The following MAMLD1 variants were observed in gnomAD, a reference collection of about 807,000 sequenced individuals.
MAMLD1 encodes mastermind like domain containing 1, also known as mastermind-like domain-containing protein 1.
MAMLD1 carries 14 observed loss-of-function variants against 45.0 expected under a neutral mutation model. The ratio of observed to expected loss-of-function variants is 0.31; its 90% CI spans 0.21 to 0.49. MAMLD1 has a LOEUF of 0.49. MAMLD1 is among the 20% of genes least tolerant of loss of function. The probability of loss-of-function intolerance (pLI) is 0.99; values close to 1 mark genes in which losing one functional copy is unlikely to be tolerated. For missense variants in MAMLD1, 543 were observed against 603.6 expected, an observed-to-expected ratio of 0.90 and a Z score of 1.05; for synonymous variants, 254 against 247.8, an observed-to-expected ratio of 1.02 and a Z score of -0.24.
chrX:150,384,488 G>A (rs928167362), intron 1 of MAMLD1, among the ~76,000 whole-genome samples: 1 of 111,730 alleles, frequency 9.0e-6, no homozygotes, highest in African/African-American at 3.3e-5. Context: ...TGAACTGTAA[G>A]CATTGTTTAT....
At chrX:150,440,079 T>C (rs781787945) in intron 1 of MAMLD1, among the ~76,000 whole-genome samples, 2 of 112,004 alleles carry the variant, frequency 1.8e-5, no homozygotes, top group South Asian at 7.4e-4. Context: ...GACGTGAGTC[T>C]TCTTGTTTTT....
At chrX:150,472,045 T>C (rs2036447306) in intron 4 of MAMLD1, among the ~76,000 whole-genome samples, 1 of 112,042 alleles carries the variant, frequency 8.9e-6, no homozygotes, top group African/African-American at 3.2e-5. Flanking sequence ...ATTTTACAAA[T>C]GAAGAAACTG....
rs2037971623 is a variant in MAMLD1, at chrX:150,513,984, C to T, written c.*2025C>T. 1.0e-5 allele frequency: 3 copies of T among 292,312 alleles called. No individual in the cohort carries two copies. The highest frequency in any genetic ancestry group is 6.2e-5 in the Admixed American group (1 of 16,146). 24.1% of individuals were successfully genotyped at this position (292,312 alleles called of 1,213,427 possible). ...TTTGATGGTTTCTATCTGCAATTAT[C>T]GTCATGTATATTTAAGTGTCTGTTA... On this transcript the variant is annotated 3_prime_UTR_variant, in exon 8 of 8. Coordinates refer to ENST00000370401, the MANE Select transcript of MAMLD1 (RefSeq NM_005491.5).
intron 1 of MAMLD1, among the ~76,000 whole-genome samples, chrX:150,422,241 A>C (rs150042509): frequency 0.029 from 3,270 of 112,293 alleles, 56 homozygotes; most frequent in Non-Finnish European, 0.045. Context: ...TGTGGACCCA[A>C]GGAAATATTA....
chrX:150,444,632 G>A (rs1236760478), intron 1 of MAMLD1, among the ~76,000 whole-genome samples: 1 of 112,059 alleles, frequency 8.9e-6, no homozygotes. Flanking sequence ...CAGAGGCAGA[G>A]GTTTAGACTT....
Position 150,469,655 on chromosome X carries a change from CTG to C in MAMLD1, c.172-60_172-59del, listed in dbSNP as rs1557406186. 1.2e-3 allele frequency: 505 copies of C among 404,345 alleles called. 2 individuals are homozygous for C. Among genetic ancestry groups the C allele is most frequent in the African/African-American group, 0.012 (375 of 30,997 alleles). The allele number at this position is 404,345 out of a possible 1,213,427, so 33.3% of individuals were successfully genotyped here. On this transcript the variant is annotated intron_variant, in intron 3 of 7. Transcript: ENST00000370401. ...TCTCTGTCTCTCTCTCTCTCTCTCT[CTG>C]TGTGTGTGTGTGTGTGTGTGTGTGT...
intron 1 of MAMLD1, among the ~76,000 whole-genome samples, chrX:150,364,172 G>C (rs1557400607): frequency 8.9e-6 from 1 of 112,935 alleles, no homozygotes; most frequent in Non-Finnish European, 1.9e-5. Context: ...CTGCGTCAGA[G>C]TCCGCGCTTC....
chrX:150,370,917 GT>G (rs1473621659), intron 1 of MAMLD1, among the ~76,000 whole-genome samples: 1 of 112,199 alleles, frequency 8.9e-6, no homozygotes, highest in Non-Finnish European at 1.9e-5. Context: ...CCTAAGGAGG[GT>G]TTGGGAGCAA....
chrX:150,440,691 T>G (rs1248919662), intron 1 of MAMLD1, among the ~76,000 whole-genome samples: 1 of 108,648 alleles, frequency 9.2e-6, no homozygotes, highest in Non-Finnish European at 1.9e-5. Flanking sequence ...TATAGTAACA[T>G]CTCCCTTTTC....
intron 5 of MAMLD1, among the ~76,000 whole-genome samples, chrX:150,498,312 C>G (rs1446614407): frequency 9.0e-6 from 1 of 111,706 alleles, no homozygotes; most frequent in Non-Finnish European, 1.9e-5. Flanking sequence ...GCACTGCATA[C>G]GTGCTAATTC....
Position 150,477,227 on chromosome X carries a change from A to C in MAMLD1, c.2040+3425A>C, listed in dbSNP as rs782641288. 5.3e-5 allele frequency among the ~76,000 whole-genome samples: 6 copies of C among 112,733 alleles called. No individual in the cohort carries two copies. In the South Asian group the frequency reaches 2.2e-3, roughly 41 times the overall value. ...CAGTCTGTAAAATGGAGATTAGCAT[A>C]CCTTTCTCATGGGGCTGCTGTGAGG... On this transcript the variant is annotated intron_variant, in intron 5 of 7. Coordinates refer to ENST00000370401, the MANE Select transcript of MAMLD1 (RefSeq NM_005491.5).
intron 1 of MAMLD1, among the ~76,000 whole-genome samples, chrX:150,411,238 G>A (rs1233842036): frequency 3.6e-5 from 4 of 111,981 alleles, no homozygotes; most frequent in African/African-American, 9.7e-5. Flanking sequence ...GCTAGGTATC[G>A]CCAGGCCTGA....
At chrX:150,508,745 G>T (rs374313919) in intron 6 of MAMLD1, among the ~76,000 whole-genome samples, 1 of 112,503 alleles carries the variant, frequency 8.9e-6, no homozygotes, top group African/African-American at 3.2e-5. Flanking sequence ...CGGGCAGCCC[G>T]TGTTGTAGAG....
chrX:150,473,680 G>A lies in MAMLD1; in HGVS notation c.1918G>A (p.Gly640Ser). The A allele has an allele frequency of 8.3e-7, 1 of 1,211,103 alleles. No homozygotes were observed. Among genetic ancestry groups the A allele is most frequent in the Non-Finnish European group, 1.1e-6 (1 of 894,967 alleles). ...SDSMPALPRQGCCHLFAWTSA... is the reference protein window; with the variant it reads ...SDSMPALPRQSCCHLFAWTSA... ...GCACTTTGGTTTGATTTTATTATAG[G>A]GCTGTTGCCATCTGTTTGCATGGAC... The change falls in exon 5 of 8, where the codon GGC (glycine) becomes AGC (serine). Residue 640 changes from glycine (G) to serine (S), a missense_variant and splice_region_variant. By Grantham distance (56) the Gly-to-Ser change is moderately conservative (BLOSUM62 0). Coordinates refer to ENST00000370401, the MANE Select transcript of MAMLD1 (RefSeq NM_005491.5).
At chrX:150,460,753 C>A (rs1351866434) in intron 2 of MAMLD1, among the ~76,000 whole-genome samples, 2 of 112,016 alleles carry the variant, frequency 1.8e-5, no homozygotes, top group Non-Finnish European at 3.8e-5. Context: ...TAATAATGAC[C>A]CAGAAGCTGA....
intron 2 of MAMLD1, among the ~76,000 whole-genome samples, chrX:150,449,599 C>T (rs782211430): frequency 3.2e-4 from 36 of 111,418 alleles, no homozygotes; most frequent in African/African-American, 1.0e-3. Flanking sequence ...TCCTCAGACT[C>T]GATTCAGGGT....
chrX:150,409,376 A>G, intron 1 of MAMLD1, among the ~76,000 whole-genome samples: 1 of 110,266 alleles, frequency 9.1e-6, no homozygotes, highest in South Asian at 4.0e-4. Flanking sequence ...CCGTGGCTGG[A>G]CTTGAGAAAA....
At chrX:150,420,510 G>A (rs2034453023) in intron 1 of MAMLD1, among the ~76,000 whole-genome samples, 1 of 111,981 alleles carries the variant, frequency 8.9e-6, no homozygotes, top group African/African-American at 3.3e-5. Context: ...AGGAGGAGAG[G>A]TGCTCTGCTT....
At chrX:150,482,522 C>T (rs193231309) in intron 5 of MAMLD1, among the ~76,000 whole-genome samples, 9 of 112,756 alleles carry the variant, frequency 8.0e-5, no homozygotes, top group Admixed American at 7.5e-4. Flanking sequence ...ACATTTTATA[C>T]ATATTTTTAC....
Sources: allele counts gnomAD v4.1 joint callset (sites outside exome capture counted in the v4.1 genomes callset), GRCh38; gene constraint gnomAD v4.1.1; transcripts MANE v1.5; gene names NCBI Gene and HGNC (gene_info 2026-07-23, HGNC 2026-07-21).